BAZ2A: variants seen among roughly 807,000 people sequenced by gnomAD.
BAZ2A encodes the protein bromodomain adjacent to zinc finger domain protein 2A.
A neutral mutation model predicts 199.9 loss-of-function variants in BAZ2A; 34 were observed. The observed-to-expected ratio is 0.17, with a 90% CI of 0.13 to 0.23. The LOEUF is 0.23. Among genes scored for constraint, BAZ2A ranks in the 10% least tolerant of loss-of-function variants. The probability of loss-of-function intolerance (pLI) is 1.00; values close to 1 mark genes in which losing one functional copy is unlikely to be tolerated. For synonymous variants in BAZ2A, 857 were observed against 883.9 expected (o/e 0.97, Z 0.54); for missense variants, 2,002 against 2,391.1 (o/e 0.84, Z 3.39).
Position 56,615,474 on chromosome 12 carries a change from G to C in BAZ2A, c.270C>G (p.Leu90=). Reference sequence around the variant, plus strand: ...CAGATGGGTACTGTGAGTAGTTCCAGAGACAGTCGTAGGCCACGCTGGGGT... The same window carrying C: ...CAGATGGGTACTGTGAGTAGTTCCACAGACAGTCGTAGGCCACGCTGGGGT... ...LHHPSVAYDC[L]WNYSQYPSAN... is the part of the protein sequence containing the mutation. The change falls in exon 3 of 29, where the codon CTC becomes CTG. Residue 90 remains leucine, a synonymous_variant. Coordinates refer to ENST00000549884, the MANE Select transcript of BAZ2A (RefSeq NM_001300905.2). 6.2e-7 allele frequency: 1 copy of C among 1,613,568 alleles called. No individual in the cohort carries two copies. The highest frequency in any genetic ancestry group is 8.5e-7 in the Non-Finnish European group (1 of 1,179,876).
rs1886490712 is a variant in BAZ2A, at chr12:56,601,595, G to A, written c.4022C>T (p.Ser1341Phe). 1 of 1,613,910 alleles carries A rather than the reference G, an allele frequency of 6.2e-7. No homozygotes were observed. Among genetic ancestry groups the A allele is most frequent in the East Asian group, 2.2e-5 (1 of 44,886 alleles). ...NAAPTPPPAV[S>F]EDQPTPSPQQ... ...AGGGGAGGGAGTGGGTTGGTCCTCA[G>A]AAACTGCAGGGGGCGGTGTGGGGGC... The change falls in exon 20 of 29, where the codon TCT becomes TTT. Residue 1341 changes from serine to phenylalanine, a missense_variant. Physicochemically the swap from Ser to Phe is radical, Grantham distance 155. This residue lies in a region of BAZ2A where 1,081 missense variants were observed against 1,274.7 expected (regional missense o/e 0.85). Coordinates refer to ENST00000549884, the MANE Select transcript of BAZ2A (RefSeq NM_001300905.2).
Position 56,599,738 on chromosome 12 carries a change from T to C in BAZ2A, c.5136A>G (p.Pro1712=), listed in dbSNP as rs754341511. The change falls in exon 26 of 29, where the codon CCA becomes CCG. Residue 1712 remains proline, a synonymous_variant. Coordinates refer to ENST00000549884, the MANE Select transcript of BAZ2A (RefSeq NM_001300905.2). ...AGACAGTACAGAACCAATCTCCTTC[T>C]GGGACAGCCTCCATCTTGGGACGAT... ...YCHRPKMEAV[P]EGDWFCTVCL... 5.0e-6 allele frequency: 8 copies of C among 1,613,990 alleles called. No homozygotes were observed. In the Admixed American group the frequency reaches 1.3e-4, roughly 27 times the overall value.
chr12:56,635,879 A>G lies in BAZ2A; in HGVS notation c.4+303T>C, dbSNP rs752727397. Among the ~76,000 whole-genome samples the G allele has an allele frequency of 9.2e-5, 14 of 152,142 alleles. No individual in the cohort carries two copies. The highest frequency in any genetic ancestry group is 1.4e-4 in the African/African-American group (6 of 41,434). ...AGTGAGTACTGTCAAAATTTCCTTG[A>G]ATCTCAACAGCTTAAATGGGGAGGA... is the stretch of plus-strand genomic sequence containing the variant. On this transcript the variant is annotated intron_variant, in intron 1 of 29. Coordinates refer to the BAZ2A transcript ENST00000379441. The surrounding 1 kb of genome is among the most constrained non-coding windows in gnomAD (Gnocchi z 4.1).
In BAZ2A at chr12:56,598,575, G is replaced by A. The variant is rs769881660; in HGVS notation, c.*43C>T. 2.5e-6 allele frequency: 4 copies of A among 1,593,466 alleles called. No individual in the cohort carries two copies. In the Admixed American group the frequency reaches 6.9e-5, roughly 27 times the overall value. On this transcript the variant is annotated 3_prime_UTR_variant, in exon 29 of 29. Coordinates refer to ENST00000549884, the MANE Select transcript of BAZ2A (RefSeq NM_001300905.2). Reference sequence around the variant, plus strand: ...GAAAATGGCAGGTTTTTGTTTGGAAGGTGGGGGGAGATGCCACAAGGTGAC... The same window carrying A: ...GAAAATGGCAGGTTTTTGTTTGGAAAGTGGGGGGAGATGCCACAAGGTGAC...
upstream of BAZ2A, among the ~76,000 whole-genome samples, chr12:56,634,586 C>T (rs1951401003): frequency 6.6e-6 from 1 of 152,160 alleles, no homozygotes; most frequent in Admixed American, 6.5e-5. Flanking sequence ...GTGGGTATCC[C>T]CCCTCCCATT....
chr12:56,609,025 C>T (rs761346297), intron 10 of BAZ2A, among the ~76,000 whole-genome samples: 13 of 151,928 alleles, frequency 8.6e-5, no homozygotes, highest in Non-Finnish European at 8.8e-5. Flanking sequence ...AGGCACACAC[C>T]ACCACGCCCA....
At position 56,602,848 on chromosome 12, in the gene BAZ2A, A is replaced by G; in HGVS notation, c.3289T>C (p.Phe1097Leu). Reference sequence around the variant, plus strand: ...GAGTGAAGCAGCTTTTTGCGAAAGAAAAGCTGACGCTGGGTAGACAATGAA... The same window carrying G: ...GAGTGAAGCAGCTTTTTGCGAAAGAGAAGCTGACGCTGGGTAGACAATGAA... ...QIEKLSKRQL[F>L]FRKKLLHSSQ... The change falls in exon 19 of 29, where the codon TTC becomes CTC. Residue 1097 changes from phenylalanine to leucine, a missense_variant. Transcript: ENST00000549884. 6.2e-7 allele frequency: 1 copy of G among 1,611,612 alleles called. No homozygotes were observed. The highest frequency in any genetic ancestry group is 8.5e-7 in the Non-Finnish European group (1 of 1,178,336).
Position 56,598,363 on chromosome 12 carries a change from T to C in BAZ2A, c.*255A>G, listed in dbSNP as rs1886046293. 1 of 401,070 alleles carries C rather than the reference T, an allele frequency of 2.5e-6. No individual in the cohort carries two copies. Among genetic ancestry groups the C allele is most frequent in the Non-Finnish European group, 4.4e-6 (1 of 226,832 alleles). 24.8% of individuals were successfully genotyped at this position (401,070 alleles called of 1,614,324 possible). On this transcript the variant is annotated 3_prime_UTR_variant, in exon 29 of 29. Coordinates refer to ENST00000549884, the MANE Select transcript of BAZ2A (RefSeq NM_001300905.2). Reference sequence around the variant, plus strand: ...AAATAAAACAGAAAAGAAAAATTATTTTTTTCTTTCTTTTTTTGGCTTTTA... The same window carrying C: ...AAATAAAACAGAAAAGAAAAATTATCTTTTTCTTTCTTTTTTTGGCTTTTA...
In BAZ2A at chr12:56,606,817, G is replaced by C. The variant is rs143853497; in HGVS notation, c.2093-84C>G. On this transcript the variant is annotated intron_variant, in intron 10 of 28. Coordinates refer to ENST00000549884, the MANE Select transcript of BAZ2A (RefSeq NM_001300905.2). ...CAGGGCAACACATGCCCGTCTCAAA[G>C]CTGGCCTCCCAAGCAGCTCCCTGAA... is the stretch of plus-strand genomic sequence containing the variant. 1,314 of 1,109,862 alleles carry C rather than the reference G, an allele frequency of 1.2e-3. 2 individuals carry two copies. The highest frequency in any genetic ancestry group is 1.6e-3 in the Non-Finnish European group (1,187 of 727,558). The allele number at this position is 1,109,862 out of a possible 1,614,324, so 68.8% of individuals were successfully genotyped here.
chr12:56,603,797 G>C (rs1592564476), intron 16 of BAZ2A, 97 bp from the exon 17 acceptor site: 4 of 1,377,512 alleles, frequency 2.9e-6, no homozygotes, highest in African/African-American at 2.9e-5. Flanking sequence ...CGGATCACCT[G>C]AGGTCAGGAG....
At position 56,606,693 on chromosome 12, in the gene BAZ2A, G is replaced by C. The variant is rs1179991642; in HGVS notation, c.2133C>G (p.Ser711Arg). ...GAACCTTCTGCCTCATCTTCTTCTTGCTTTTAGCAATCTTTGCTTTATCCT... is the reference window on the plus strand; with the variant it reads ...GAACCTTCTGCCTCATCTTCTTCTTCCTTTTAGCAATCTTTGCTTTATCCT... ...NEEDKAKIAKSKKKMRQKVQR... is the reference protein window; with the variant it reads ...NEEDKAKIAKRKKKMRQKVQR... The change falls in exon 11 of 29, where the codon AGC (serine) becomes AGG (arginine). Residue 711 changes from serine to arginine, a missense_variant. Physicochemically the swap from Ser to Arg is moderately radical, Grantham distance 110 (BLOSUM62 -1). This residue lies in a region of BAZ2A where 1,081 missense variants were observed against 1,274.7 expected (regional missense o/e 0.85). Transcript: ENST00000549884. 3 of 1,613,798 alleles carry C rather than the reference G, an allele frequency of 1.9e-6. No homozygotes were observed. The highest frequency in any genetic ancestry group is 2.7e-5 in the African/African-American group (2 of 74,984).
At chr12:56,613,501 C>T (rs1474472231) in intron 4 of BAZ2A, among the ~76,000 whole-genome samples, 1 of 152,134 alleles carries the variant, frequency 6.6e-6, no homozygotes, top group African/African-American at 2.4e-5. Flanking sequence ...AGCAAGACCT[C>T]ATCTCTACAA....
upstream of BAZ2A, chr12:56,630,437 G>T: frequency 3.3e-6 from 1 of 299,896 alleles, no homozygotes; most frequent in Non-Finnish European, 4.9e-6. Context: ...CCCGGACCTG[G>T]GTCCTAGCGC....
At position 56,602,939 on chromosome 12, in the gene BAZ2A, G is replaced by A. The variant is rs1022029686; in HGVS notation, c.3280-82C>T. On this transcript the variant is annotated intron_variant, in intron 18 of 28. Transcript: ENST00000549884. ...AATTCATCCAGTATATCAGAGAAAGGCAATGGCTCTCAGTCCCTCTATAAA... is the reference window on the plus strand; with the variant it reads ...AATTCATCCAGTATATCAGAGAAAGACAATGGCTCTCAGTCCCTCTATAAA... 4.2e-6 allele frequency: 6 copies of A among 1,433,886 alleles called. No homozygotes were observed. In the East Asian group the frequency reaches 7.4e-5, roughly 18 times the overall value. The allele number at this position is 1,433,886 out of a possible 1,614,324, so 88.8% of individuals were successfully genotyped here.
rs199886609 is a variant in BAZ2A, at chr12:56,601,863, G to C, written c.3754C>G (p.Pro1252Ala). The C allele has an allele frequency of 2.5e-4, 408 of 1,613,950 alleles. No individual in the cohort carries two copies. Among genetic ancestry groups the C allele is most frequent in the Non-Finnish European group, 3.2e-4 (377 of 1,179,864 alleles). Residue 1252 changes from proline (P) to alanine (A), a missense_variant, in exon 20 of 29, where the codon CCT becomes GCT. Pro to Ala is a conservative substitution (Grantham distance 27). Coordinates refer to ENST00000549884, the MANE Select transcript of BAZ2A (RefSeq NM_001300905.2). ...HKGFLEQEGS[P>A]LSLGQSQHDL... ...TGCTGGCTCTGACCCAGTGACAAAGGGGAGCCTTCTTGCTCCAGGAACCCC... is the reference window on the plus strand; with the variant it reads ...TGCTGGCTCTGACCCAGTGACAAAGCGGAGCCTTCTTGCTCCAGGAACCCC...
chr12:56,605,336 A>G lies in BAZ2A; in HGVS notation c.2494-9T>C, dbSNP rs1435652187. 4.4e-6 allele frequency: 7 copies of G among 1,600,138 alleles called. No individual in the cohort carries two copies. Among genetic ancestry groups the G allele is most frequent in the Admixed American group, 3.4e-5 (2 of 59,262 alleles). Reference sequence around the variant, plus strand: ...GAGAAGTCAGGCAGGGGCTAGAGAGAGAAAAGTGAGTAGAGAGTTCTGTTA... The same window carrying G: ...GAGAAGTCAGGCAGGGGCTAGAGAGGGAAAAGTGAGTAGAGAGTTCTGTTA... On this transcript the variant is annotated splice_polypyrimidine_tract_variant and intron_variant, in intron 13 of 28. Coordinates refer to ENST00000549884, the MANE Select transcript of BAZ2A (RefSeq NM_001300905.2).
intron 1 of BAZ2A, among the ~76,000 whole-genome samples, chr12:56,619,880 C>T (rs1457881327): frequency 2.0e-5 from 3 of 152,036 alleles, no homozygotes; most frequent in Non-Finnish European, 4.4e-5. Context: ...ATGGTGGTTC[C>T]TGCCTGTAGT....
In BAZ2A at chr12:56,599,262, G is replaced by A. The variant is rs768801520; in HGVS notation, c.5269C>T (p.Arg1757Cys). The A allele has an allele frequency of 9.3e-6, 15 of 1,613,120 alleles. No homozygotes were observed. The highest frequency in any genetic ancestry group is 4.4e-5 in the South Asian group (4 of 90,942). The stretch of plus-strand genomic sequence containing the variant: ...CCCCTCAACAGTACCCGGCGTCGGC[G>A]GCCATCACCCTCTGAGAAGTTCAGC... ...YSLNFSEGDG[R>C]RRRVLLRGRE... The change falls in exon 27 of 29, where the codon CGC (arginine) becomes TGC (cysteine). Residue 1757 changes from arginine (R) to cysteine (C), a missense_variant. Physicochemically the swap from Arg to Cys is radical, Grantham distance 180. Transcript: ENST00000549884.
chr12:56,617,503 T>G lies in BAZ2A; in HGVS notation c.28A>C (p.Thr10Pro). 6.2e-7 allele frequency: 1 copy of G among 1,607,872 alleles called. No homozygotes were observed. The highest frequency in any genetic ancestry group is 8.5e-7 in the Non-Finnish European group (1 of 1,177,324). The stretch of plus-strand genomic sequence containing the variant: ...GCAGCAGGTGCAGGGGGAAGGCCAG[T>G]AAAGTTAAAATGGTCGTTTGCCTCC... Reference protein sequence around the residue: MEANDHFNFTGLPPAPAASG... With the variant: MEANDHFNFPGLPPAPAASG... The change falls in exon 2 of 29, where the codon ACT becomes CCT. Residue 10 changes from threonine (T) to proline (P), a missense_variant. Thr to Pro is a conservative substitution (Grantham distance 38). Coordinates refer to ENST00000549884, the MANE Select transcript of BAZ2A (RefSeq NM_001300905.2).
Sources: gnomAD v4.1 joint callset for allele counts (sites outside exome capture counted in the v4.1 genomes callset) on GRCh38, gnomAD v4.1.1 for gene constraint, gnomAD v4.1.1 regional missense constraint, Gnocchi (gnomAD v3.1) non-coding constraint, MANE v1.5 for transcripts, NCBI Gene and HGNC (gene_info 2026-07-23, HGNC 2026-07-21) for gene names.